Variants in ROGDI observed in about 807,000 individuals in gnomAD.
The protein encoded by ROGDI is rogdi atypical leucine zipper.
Under a neutral mutation model 43.1 loss-of-function variants are expected in ROGDI, and 46 were observed. The ratio of observed to expected loss-of-function variants is 1.07; its 90% CI spans 0.84 to 1.37. The LOEUF is 1.37. ROGDI is among the 40% of genes most tolerant of loss of function. ROGDI has a pLI of 0.00. For synonymous variants in ROGDI, 243 were observed against 162.0 expected (o/e 1.50, Z -3.80); for missense variants, 518 against 383.9 (o/e 1.35, Z -2.92).
At chr16:4,798,837 T>C in intron 6 of ROGDI, 170 bp from the exon 7 acceptor site, 5 of 617,770 alleles carry the variant, frequency 8.1e-6, no homozygotes, top group Non-Finnish European at 1.4e-5. Context: ...CAGCTGGGTA[T>C]GGAGGAGGGC....
intron 2 of ROGDI, chr16:4,802,034 G>A (rs1210966447): frequency 2.2e-5 from 13 of 585,538 alleles, no homozygotes; most frequent in African/African-American, 7.4e-5. Context: ...AATGAGAAAA[G>A]GGAGGCCCAG....
chr16:4,798,878 G>A, intron 6 of ROGDI: 2 of 567,938 alleles, frequency 3.5e-6, no homozygotes, highest in Non-Finnish European at 6.2e-6. Context: ...AGTCGGGATG[G>A]GGCTGATTCA....
intron 2 of ROGDI, 141 bp from the exon 3 acceptor site, chr16:4,801,726 G>C (rs2082724440): frequency 2.7e-6 from 2 of 739,934 alleles, no homozygotes; most frequent in Non-Finnish European, 4.5e-6. Context: ...AGCTGGGGTG[G>C]GAAGACCCTG....
Position 4,797,173 on chromosome 16 carries a change from G to T in ROGDI, c.*287C>A. 1 of 401,178 alleles carries T rather than the reference G, an allele frequency of 2.5e-6. No individual in the cohort carries two copies. Among genetic ancestry groups the T allele is most frequent in the Non-Finnish European group, 4.6e-6 (1 of 218,170 alleles). 24.9% of individuals were successfully genotyped at this position (401,178 alleles called of 1,614,324 possible). Reference sequence around the variant, plus strand: ...GAGAGGAGGGAGAGCCCTGCGCCTGGCCCTGTCCTGAGTCCAAAGATTCCC... The same window carrying T: ...GAGAGGAGGGAGAGCCCTGCGCCTGTCCCTGTCCTGAGTCCAAAGATTCCC... On this transcript the variant is annotated 3_prime_UTR_variant, in exon 11 of 11. Coordinates refer to ENST00000322048, the MANE Select transcript of ROGDI (RefSeq NM_024589.3).
Position 4,801,942 on chromosome 16 carries a change from C to T in ROGDI, c.118-357G>A, listed in dbSNP as rs141062985. ...CGGTCCTGGGCCACAGCAAGCACTA[C>T]GCCGGTTACTTCTGTGAGCTGCCTG... is the stretch of plus-strand genomic sequence containing the variant. On this transcript the variant is annotated intron_variant, in intron 2 of 10. Coordinates refer to ENST00000322048, the MANE Select transcript of ROGDI (RefSeq NM_024589.3). 504 of 571,500 alleles carry T rather than the reference C, an allele frequency of 8.8e-4. 2 individuals carry two copies. Among genetic ancestry groups the T allele is most frequent in the African/African-American group, 8.0e-3 (436 of 54,562 alleles). The allele number at this position is 571,500 out of a possible 1,614,324, so 35.4% of individuals were successfully genotyped here.
chr16:4,800,500 G>A lies in ROGDI; in HGVS notation c.334C>T (p.Gln112Ter), dbSNP rs372097881. 3.2e-6 allele frequency: 5 copies of A among 1,554,298 alleles called. No homozygotes were observed. In the African/African-American group the frequency reaches 5.5e-5, roughly 17 times the overall value. The change falls in exon 5 of 11, where the codon CAG becomes TAG. Residue 112 changes from glutamine (Q) to a stop codon, truncating the protein, a stop_gained and splice_region_variant. Transcript: ENST00000322048. LOFTEE classifies it high-confidence loss of function. ...FREDKQWKLQQIQDARNHVSQ... is the reference protein window; with the variant it reads ...FREDKQWKLQ The stretch of plus-strand genomic sequence containing the variant: ...CTAGCCAGGAGGGGCGGGGTCACCT[G>A]CTGCAGCTTCCACTGCTTGTCCTCC...
rs566499154 is a variant in ROGDI, at chr16:4,801,605, A to C, written c.118-20T>G. 1 of 1,578,494 alleles carries C rather than the reference A, an allele frequency of 6.3e-7. No individual in the cohort carries two copies. Among genetic ancestry groups the C allele is most frequent in the Non-Finnish European group, 8.6e-7 (1 of 1,162,298 alleles). On this transcript the variant is annotated intron_variant, in intron 2 of 10. Transcript: ENST00000322048. ...GGCCTCCTGTGGAACAGAGGGAAGG[A>C]GGGGAGCTGGTAGCGCCCACTCAGG... is the stretch of plus-strand genomic sequence containing the variant.
intron 7 of ROGDI, 192 bp downstream of exon 7, chr16:4,798,377 A>T (rs75218212): frequency 0.023 from 16,189 of 701,088 alleles, 271 homozygotes; most frequent in Non-Finnish European, 0.031. Context: ...TTTGGGAACC[A>T]CTAACCCGAA....
At position 4,798,157 on chromosome 16, in the gene ROGDI, C is replaced by A. The variant is rs773589345; in HGVS notation, c.559G>T (p.Asp187Tyr). 5.0e-6 allele frequency: 8 copies of A among 1,613,918 alleles called. No individual in the cohort carries two copies. The highest frequency in any genetic ancestry group is 5.1e-6 in the Non-Finnish European group (6 of 1,179,910). ...TRMFAPALPS[D>Y]LLVNVYINLN... ...TTGATGTAGACGTTGACCAGCAGGT[C>A]GGACGGCAGGGCAGGGGCGAACATC... Residue 187 changes from aspartate (D) to tyrosine (Y), a missense_variant, in exon 8 of 11, where the codon GAC becomes TAC. Coordinates refer to ENST00000322048, the MANE Select transcript of ROGDI (RefSeq NM_024589.3).
At chr16:4,802,145 C>A (rs1180492528) in intron 2 of ROGDI, 2 of 656,038 alleles carry the variant, frequency 3.0e-6, no homozygotes, top group Non-Finnish European at 5.6e-6. Context: ...CTTCCCCGAC[C>A]CGAGGCCGGG....
chr16:4,800,635 A>C, intron 4 of ROGDI, 57 bp from the exon 5 acceptor site: 1 of 1,383,630 alleles, frequency 7.2e-7, no homozygotes, highest in Non-Finnish European at 1.0e-6. Flanking sequence ...TGCCACAGCC[A>C]CTCTGAGCCC....
chr16:4,798,126 T>G lies in ROGDI; in HGVS notation c.590A>C (p.Asn197Thr). 1 of 1,613,880 alleles carries G rather than the reference T, an allele frequency of 6.2e-7. No individual in the cohort carries two copies. Among genetic ancestry groups the G allele is most frequent in the Non-Finnish European group, 8.5e-7 (1 of 1,179,910 alleles). Reference protein sequence around the residue: ...DLLVNVYINLNKLCLTVYQLH... With the variant: ...DLLVNVYINLTKLCLTVYQLH... ...CTGGTACACCGTGAGGCAGAGCTTG[T>G]TGAGGTTGATGTAGACGTTGACCAG... The change falls in exon 8 of 11, where the codon AAC becomes ACC. Residue 197 changes from asparagine (N) to threonine (T), a missense_variant. Transcript: ENST00000322048.
chr16:4,797,873 C>T (rs2082671783), intron 9 of ROGDI, 33 bp from the exon 10 acceptor site: 2 of 1,608,138 alleles, frequency 1.2e-6, no homozygotes, highest in Admixed American at 1.7e-5. Context: ...TGAGGAGGGT[C>T]CCGGCCCTCC....
At chr16:4,800,898 G>C in intron 4 of ROGDI, 2 of 495,120 alleles carry the variant, frequency 4.0e-6, no homozygotes, top group Non-Finnish European at 7.2e-6. Flanking sequence ...GCAACAGATG[G>C]AGCCCAGGAG....
chr16:4,801,129 AT>A, intron 4 of ROGDI, 137 bp downstream of exon 4: 1 of 663,496 alleles, frequency 1.5e-6, no homozygotes, highest in Non-Finnish European at 2.5e-6. Flanking sequence ...GGTTGCTGTC[AT>A]TTTCCAAAGG....
At position 4,797,953 on chromosome 16, in the gene ROGDI, C is replaced by A. The variant is rs1253024810; in HGVS notation, c.680G>T (p.Ser227Ile). The A allele has an allele frequency of 1.2e-6, 2 of 1,603,846 alleles. No individual in the cohort carries two copies. Among genetic ancestry groups the A allele is most frequent in the Non-Finnish European group, 1.7e-6 (2 of 1,173,676 alleles). ...FRPAGGAVLH[S>I]PGAMFEWGSQ... The stretch of plus-strand genomic sequence containing the variant: ...GCCTACTTACAACATGGCCCCAGGG[C>A]TATGCAGCACCGCGCCCCCAGCTGG... Residue 227 changes from serine to isoleucine, a missense_variant, in exon 9 of 11, where the codon AGC becomes ATC. Coordinates refer to ENST00000322048, the MANE Select transcript of ROGDI (RefSeq NM_024589.3).
intron 7 of ROGDI, 184 bp downstream of exon 7, chr16:4,798,385 G>A (rs1596275350): frequency 8.5e-6 from 6 of 703,542 alleles, no homozygotes; most frequent in South Asian, 1.8e-5. Flanking sequence ...CCACTAACCC[G>A]AAACAGGGTT....
In ROGDI at chr16:4,800,568, A is replaced by G; in HGVS notation, c.266T>C (p.Leu89Pro). ...CAGCTGGTTGTTCCGGGGCATCTTC[A>G]GGTTCACATCCTGACAGGCAAGAGT... ...GDALSQADVN[L>P]KMPRNNQLLH... The change falls in exon 5 of 11, where the codon CTG becomes CCG. Residue 89 changes from leucine (L) to proline (P), a missense_variant. By Grantham distance (98) the Leu-to-Pro change is moderately conservative. Coordinates refer to ENST00000322048, the MANE Select transcript of ROGDI (RefSeq NM_024589.3). 1 of 1,567,522 alleles carries G rather than the reference A, an allele frequency of 6.4e-7. No individual in the cohort carries two copies. The highest frequency in any genetic ancestry group is 8.7e-7 in the Non-Finnish European group (1 of 1,155,440).
At position 4,797,993 on chromosome 16, in the gene ROGDI, G is replaced by A. The variant is rs200792197; in HGVS notation, c.646-6C>T. The A allele has an allele frequency of 2.5e-6, 4 of 1,611,982 alleles. No homozygotes were observed. Among genetic ancestry groups the A allele is most frequent in the Non-Finnish European group, 3.4e-6 (4 of 1,178,780 alleles). On this transcript the variant is annotated splice_region_variant and splice_polypyrimidine_tract_variant and intron_variant, in intron 8 of 10. Transcript: ENST00000322048. ...CCCCCAGCTGGGCGGAAGTTCTAGG[G>A]AGAACAGCACCAGACCCGTCAGGCC...
Sources: gnomAD v4.1 joint callset for allele counts on GRCh38, gnomAD v4.1.1 for gene constraint, MANE v1.5 for transcripts, NCBI Gene and HGNC (gene_info 2026-07-23, HGNC 2026-07-21) for gene names.